FHIP1B: variants seen among roughly 807,000 people sequenced by gnomAD.
The protein encoded by FHIP1B is FHF complex subunit HOOK interacting protein 1B.
Under a neutral mutation model 82.2 loss-of-function variants are expected in FHIP1B, and 28 were observed. The observed-to-expected ratio is 0.34, with a 90% CI of 0.25 to 0.47. The LOEUF (loss-of-function observed/expected upper bound fraction) is 0.47. Among genes scored for constraint, FHIP1B ranks in the 20% least tolerant of loss-of-function variants. The pLI is 1.00. For synonymous variants in FHIP1B, 585 were observed against 516.1 expected (o/e 1.13, Z -1.81); for missense variants, 1,110 against 1,262.6 (o/e 0.88, Z 1.83).
chr11:6,225,600 T>C (rs771266471), intron 1 of FHIP1B, among the ~76,000 whole-genome samples: 5 of 152,220 alleles, frequency 3.3e-5, no homozygotes, highest in Non-Finnish European at 5.9e-5. Context: ...ACTCAATAAA[T>C]ATTCGTTGAA....
chr11:6,226,282 C>T (rs1847562768), intron 1 of FHIP1B, among the ~76,000 whole-genome samples: 1 of 152,170 alleles, frequency 6.6e-6, no homozygotes, highest in Admixed American at 6.5e-5. Context: ...AAGGGAGGGG[C>T]CCAGTCCTAA....
rs200191612 is a variant in FHIP1B at position 6,224,260 on chromosome 11, G to A, written c.139-12C>T. On this transcript the variant is annotated splice_polypyrimidine_tract_variant and intron_variant, in intron 2 of 11. Transcript: ENST00000449352. Reference sequence around the variant, plus strand: ...AGGATTCGCACCACCTAGGGAAAAAGGACAGAAGATGGAAGGAATCTAAAT... The same window carrying A: ...AGGATTCGCACCACCTAGGGAAAAAAGACAGAAGATGGAAGGAATCTAAAT... 12 of 1,612,200 alleles carry A rather than the reference G, an allele frequency of 7.4e-6. No individual in the cohort carries two copies. Among genetic ancestry groups the A allele is most frequent in the Non-Finnish European group, 1.0e-5 (12 of 1,178,852 alleles).
rs892053817 is a variant in FHIP1B at position 6,217,578 on chromosome 11, C to T, written c.2008G>A (p.Gly670Arg). The T allele has an allele frequency of 3.1e-6, 5 of 1,612,236 alleles. No individual in the cohort carries two copies. The highest frequency in any genetic ancestry group is 2.2e-5 in the East Asian group (1 of 44,840). ...AGCTCCTGCCCAAAGCCCTCTAGTC[C>T]TGCCATGCCCTCGGAGATGCCCTCT... ...LLEGISEGMA[G>R]LEGFGQELRE... Residue 670 changes from glycine to arginine, a missense_variant, in exon 9 of 12, where the codon GGA becomes AGA. By Grantham distance (125) the Gly-to-Arg change is moderately radical. Around this residue, in one of 6 missense-constraint regions of FHIP1B, gnomAD observed 418 missense variants for 371.4 expected, o/e 1.13. Coordinates refer to ENST00000449352, the MANE Select transcript of FHIP1B (RefSeq NM_001098794.2).
chr11:6,232,785 T>C (rs901833371), intron 1 of FHIP1B, among the ~76,000 whole-genome samples: 3 of 152,192 alleles, frequency 2.0e-5, no homozygotes, highest in Non-Finnish European at 2.9e-5. Context: ...CTGAAGTTCA[T>C]AAAGCTATAG....
chr11:6,213,667 T>C (rs1486850298), intron 11 of FHIP1B, among the ~76,000 whole-genome samples: 2 of 152,194 alleles, frequency 1.3e-5, no homozygotes, highest in African/African-American at 2.4e-5. Context: ...CATAACGATA[T>C]TTAATTCTTC....
intron 1 of FHIP1B, among the ~76,000 whole-genome samples, chr11:6,229,716 A>G (rs1429951279): frequency 1.3e-5 from 2 of 152,080 alleles, no homozygotes; most frequent in Non-Finnish European, 2.9e-5. Flanking sequence ...AGCCTCCAGG[A>G]CCCTTCCTCA....
At position 6,224,575 on chromosome 11, in the gene FHIP1B, G is replaced by C; in HGVS notation, c.-59C>G. 1 of 1,529,048 alleles carries C rather than the reference G, an allele frequency of 6.5e-7. No homozygotes were observed. The highest frequency in any genetic ancestry group is 8.8e-7 in the Non-Finnish European group (1 of 1,141,224). 94.7% of individuals were successfully genotyped at this position (1,529,048 alleles called of 1,614,324 possible). A position where few individuals can be genotyped will look rare whatever the true frequency, so the allele number is the denominator to read the frequency against. ...CTACACTCTGAGGATTTGCCAGCTG[G>C]AGGTTTTCTCCACTTGTGTCTCCAG... is the stretch of plus-strand genomic sequence containing the variant. On this transcript the variant is annotated 5_prime_UTR_variant, in exon 2 of 12. Coordinates refer to ENST00000449352, the MANE Select transcript of FHIP1B (RefSeq NM_001098794.2).
intron 1 of FHIP1B, among the ~76,000 whole-genome samples, chr11:6,234,208 C>G (rs767927844): frequency 7.9e-5 from 12 of 152,102 alleles, no homozygotes; most frequent in Non-Finnish European, 1.0e-4. Flanking sequence ...AGGCTCCCAC[C>G]TGCGCCTTTT....
intron 1 of FHIP1B, among the ~76,000 whole-genome samples, chr11:6,225,082 C>T (rs538494852): frequency 2.6e-5 from 4 of 152,290 alleles, no homozygotes; most frequent in Admixed American, 6.5e-5. Context: ...CTTTACTATC[C>T]TCCTAAGAGT....
At chr11:6,216,917 G>A (rs959031806) in intron 9 of FHIP1B, 1 of 605,436 alleles carries the variant, frequency 1.7e-6, no homozygotes, top group East Asian at 2.7e-5. Context: ...CCCCAGGAGA[G>A]CTGACAGAAA....
Position 6,224,371 on chromosome 11 carries a change from T to C in FHIP1B, c.138+8A>G. On this transcript the variant is annotated splice_region_variant and intron_variant, in intron 2 of 11. Coordinates refer to ENST00000449352, the MANE Select transcript of FHIP1B (RefSeq NM_001098794.2). ...GCAGACAAGGCCCTTTGCCATACAGTCTCCTACCTGGGACCAGTGATTCTT... is the reference window on the plus strand; with the variant it reads ...GCAGACAAGGCCCTTTGCCATACAGCCTCCTACCTGGGACCAGTGATTCTT... The C allele has an allele frequency of 6.2e-7, 1 of 1,614,054 alleles. No individual in the cohort carries two copies. Among genetic ancestry groups the C allele is most frequent in the Non-Finnish European group, 8.5e-7 (1 of 1,180,000 alleles).
chr11:6,229,541 T>TA (rs1847645494), intron 1 of FHIP1B, among the ~76,000 whole-genome samples: 1 of 152,188 alleles, frequency 6.6e-6, no homozygotes, highest in African/African-American at 2.4e-5. Context: ...AGGCCAAGCA[T>TA]TCAGTCTCAG....
At chr11:6,212,058 TGAG>T in intron 11 of FHIP1B, 191 bp from the exon 12 acceptor site, 1 of 720,760 alleles carries the variant, frequency 1.4e-6, no homozygotes, top group Non-Finnish European at 1.7e-6. Flanking sequence ...AAGTTGACTC[TGAG>T]GAGTAGAGTG....
At chr11:6,226,897 G>C (rs536460985) in intron 1 of FHIP1B, among the ~76,000 whole-genome samples, 1 of 152,308 alleles carries the variant, frequency 6.6e-6, no homozygotes, top group South Asian at 2.1e-4. Context: ...GATTGCAGTG[G>C]ACAATTTATA....
intron 6 of FHIP1B, among the ~76,000 whole-genome samples, chr11:6,219,675 G>A (rs1466088964): frequency 2.6e-5 from 4 of 152,172 alleles, no homozygotes; most frequent in Admixed American, 6.5e-5. Context: ...TTTAGAAAAG[G>A]AAGAAGGTTG....
At chr11:6,224,310 G>C in intron 2 of FHIP1B, 62 bp from the exon 3 acceptor site, 1 of 1,614,166 alleles carries the variant, frequency 6.2e-7, no homozygotes, top group Non-Finnish European at 8.5e-7. Context: ...AATGGGATGA[G>C]GAGAATATAG....
chr11:6,223,052 T>C lies in FHIP1B; in HGVS notation c.936+28A>G. On this transcript the variant is annotated intron_variant, in intron 4 of 11. Transcript: ENST00000449352. This position sits in a 1 kb window ranked among gnomAD's most constrained non-coding sequence, Gnocchi z 4.8. ...CCCCTCCTACCTAATCTCCCAAAAA[T>C]GACCAAGGGCCAGACTTTCAGTCCT... The C allele has an allele frequency of 6.4e-7, 1 of 1,571,492 alleles. No individual in the cohort carries two copies.
At chr11:6,220,018 G>GT (rs1847362153) in intron 6 of FHIP1B, among the ~76,000 whole-genome samples, 1 of 152,194 alleles carries the variant, frequency 6.6e-6, no homozygotes, top group South Asian at 2.1e-4. Context: ...CTGAAAAGTA[G>GT]TAAGTGGGTA....
In FHIP1B at chr11:6,222,909, C is replaced by A. The variant is rs1847453767; in HGVS notation, c.937-12G>T. On this transcript the variant is annotated splice_polypyrimidine_tract_variant and intron_variant, in intron 4 of 11. Coordinates refer to ENST00000449352, the MANE Select transcript of FHIP1B (RefSeq NM_001098794.2). ...AGGGGGTGAGCCACCTGTAGGAGTG[C>A]CAGAGAGAAGGGGGAGGGTTATGAG... 1 of 1,613,258 alleles carries A rather than the reference C, an allele frequency of 6.2e-7. No individual in the cohort carries two copies.
Sources: allele counts gnomAD v4.1 joint callset (sites outside exome capture counted in the v4.1 genomes callset), GRCh38; gene constraint gnomAD v4.1.1; regional missense constraint gnomAD v4.1.1; non-coding constraint Gnocchi (gnomAD v3.1); transcripts MANE v1.5; gene names NCBI Gene and HGNC (gene_info 2026-07-23, HGNC 2026-07-21).